The following OSBPL5 variants were observed in gnomAD, a reference collection of about 807,000 sequenced individuals.
OSBPL5 encodes oxysterol-binding protein-related protein 5.
Under a neutral mutation model 111.2 loss-of-function variants are expected in OSBPL5, and 71 were observed. The ratio of observed to expected loss-of-function variants is 0.64; its 90% CI spans 0.53 to 0.78. The LOEUF is 0.78. OSBPL5 is among the 30% of genes least tolerant of loss of function. The probability of loss-of-function intolerance (pLI) is 0.00; values close to 1 mark genes in which losing one functional copy is unlikely to be tolerated. For synonymous variants in OSBPL5, 549 were observed against 513.9 expected, an observed-to-expected ratio of 1.07 and a Z score of -0.93; for missense variants, 1,210 against 1,189.3, an observed-to-expected ratio of 1.02 and a Z score of -0.26.
At chr11:3,119,302 C>T (rs1411945166) in intron 7 of OSBPL5, among the ~76,000 whole-genome samples, 3 of 152,232 alleles carry the variant, frequency 2.0e-5, no homozygotes, top group African/African-American at 4.8e-5. Context: ...TGAGCCACCA[C>T]GCCTGGCCTT....
Position 3,107,336 on chromosome 11 carries a change from T to C in OSBPL5, c.986A>G (p.Gln329Arg), listed in dbSNP as rs1309131185. The C allele has an allele frequency of 6.2e-7, 1 of 1,613,970 alleles. No individual in the cohort carries two copies. The highest frequency in any genetic ancestry group is 1.3e-5 in the African/African-American group (1 of 75,016). The change falls in exon 9 of 22, where the codon CAG (glutamine) becomes CGG (arginine). Residue 329 changes from glutamine to arginine, a missense_variant. Physicochemically the swap from Gln to Arg is conservative, Grantham distance 43 (BLOSUM62 1). Coordinates refer to ENST00000263650, the MANE Select transcript of OSBPL5 (RefSeq NM_020896.4). This position sits in a 1 kb window ranked among gnomAD's most constrained non-coding sequence, Gnocchi z 6.1. ...HSRKTESGSDQSETPGAPVRR... is the reference protein window; with the variant it reads ...HSRKTESGSDRSETPGAPVRR... ...CACCGGGGCCCCAGGGGTCTCTGAC[T>C]GGTCGCTGCCACTCTCCGTCTTCCG...
intron 3 of OSBPL5, among the ~76,000 whole-genome samples, chr11:3,124,562 G>A (rs115315798): frequency 0.01 from 1,573 of 152,256 alleles, 25 homozygotes; most frequent in African/African-American, 0.036. Context: ...GGTAGCCCCT[G>A]CTCCTTTCTT....
chr11:3,096,492 G>A (rs907354984), intron 14 of OSBPL5, among the ~76,000 whole-genome samples: 18 of 151,966 alleles, frequency 1.2e-4, no homozygotes, highest in African/African-American at 2.9e-4. Context: ...GGTGGCGCAC[G>A]CATGTAATGC....
In OSBPL5 at chr11:3,106,386, C is replaced by A. The variant is rs375103093; in HGVS notation, c.1059+877G>T. ...CAAGATCCCAGATCACAGAGCCCCC[C>A]GTTCCTGACAGCCCCCACCCCAGAG... is the stretch of plus-strand genomic sequence containing the variant. On this transcript the variant is annotated intron_variant, in intron 9 of 21. Transcript: ENST00000263650. This position sits in a 1 kb window ranked among gnomAD's most constrained non-coding sequence, Gnocchi z 8.4. Among the ~76,000 whole-genome samples, 8 of 152,118 alleles carry A rather than the reference C, an allele frequency of 5.3e-5. No homozygotes were observed. The highest frequency in any genetic ancestry group is 1.7e-4 in the African/African-American group (7 of 41,420).
rs1393668369 is a variant in OSBPL5, at chr11:3,120,624, T to C, written c.403A>G (p.Ile135Val). 6.2e-7 allele frequency: 1 copy of C among 1,612,232 alleles called. No individual in the cohort carries two copies. Among genetic ancestry groups the C allele is most frequent in the Non-Finnish European group, 8.5e-7 (1 of 1,179,862 alleles). ...GTCCAGCTCTTCAGGGTGCCGCGGA[T>C]CTGCAGGGAGGATGCTGGCGTCGAT... ...SVVIMADSLKIRGTLKSWTKL... is the reference protein window; with the variant it reads ...SVVIMADSLKVRGTLKSWTKL... Residue 135 changes from isoleucine (I) to valine (V), a missense_variant and splice_region_variant, in exon 6 of 22, where the codon ATC (isoleucine) becomes GTC (valine). Coordinates refer to ENST00000263650, the MANE Select transcript of OSBPL5 (RefSeq NM_020896.4).
chr11:3,157,891 G>A (rs954360709), intron 1 of OSBPL5, among the ~76,000 whole-genome samples: 4 of 152,334 alleles, frequency 2.6e-5, no homozygotes, highest in East Asian at 1.9e-4. Context: ...TGACATCCTC[G>A]ACCACGGCAG....
At chr11:3,122,487 C>G in intron 3 of OSBPL5, 59 bp from the exon 4 acceptor site, 1 of 1,524,582 alleles carries the variant, frequency 6.6e-7, no homozygotes, top group Non-Finnish European at 9.0e-7. Flanking sequence ...GGGCTAGGAG[C>G]CCAGGTTGGC....
chr11:3,131,278 C>A (rs1858813904), intron 1 of OSBPL5, among the ~76,000 whole-genome samples: 1 of 151,896 alleles, frequency 6.6e-6, no homozygotes, highest in African/African-American at 2.4e-5. Flanking sequence ...ACACCAGTCT[C>A]ATCTATACAC....
chr11:3,115,775 T>C (rs565312868), intron 7 of OSBPL5, among the ~76,000 whole-genome samples: 5 of 152,342 alleles, frequency 3.3e-5, no homozygotes, highest in South Asian at 2.1e-4. Flanking sequence ...ATTTTATAGA[T>C]TGGAATTTTG....
chr11:3,096,186 G>A (rs542955640), intron 14 of OSBPL5, among the ~76,000 whole-genome samples: 6 of 152,332 alleles, frequency 3.9e-5, no homozygotes, highest in East Asian at 3.9e-4. Context: ...CCAGCCAAAC[G>A]GCCAACTGTC....
chr11:3,106,647 CCTT>C lies in OSBPL5; in HGVS notation c.1059+613_1059+615del, dbSNP rs1418908215. 4.6e-5 allele frequency among the ~76,000 whole-genome samples: 7 copies of C among 152,190 alleles called. No individual in the cohort carries two copies. Among genetic ancestry groups the C allele is most frequent in the African/African-American group, 7.2e-5 (3 of 41,446 alleles). On this transcript the variant is annotated intron_variant, in intron 9 of 21. Coordinates refer to ENST00000263650, the MANE Select transcript of OSBPL5 (RefSeq NM_020896.4). This position sits in a 1 kb window ranked among gnomAD's most constrained non-coding sequence, Gnocchi z 8.4. Reference sequence around the variant, plus strand: ...TCCCTTGAGCTCGTGCGCTGGTGGTCCTTCTTCTTGGAACGCCATCCTCCCTCC... The same window carrying C: ...TCCCTTGAGCTCGTGCGCTGGTGGTCCTTCTTGGAACGCCATCCTCCCTCC...
At chr11:3,159,460 C>T (rs150288121) in intron 1 of OSBPL5, among the ~76,000 whole-genome samples, 5 of 152,296 alleles carry the variant, frequency 3.3e-5, no homozygotes, top group African/African-American at 7.2e-5. Flanking sequence ...TAACTGGATC[C>T]GCTGCACTCA....
At chr11:3,160,246 G>A (rs1846914547) in intron 1 of OSBPL5, among the ~76,000 whole-genome samples, 1 of 152,168 alleles carries the variant, frequency 6.6e-6, no homozygotes, top group African/African-American at 2.4e-5. Flanking sequence ...TGGCCAATGT[G>A]GGGAGCCTCC....
At chr11:3,124,721 G>C (rs1270040977) in intron 3 of OSBPL5, among the ~76,000 whole-genome samples, 2 of 152,146 alleles carry the variant, frequency 1.3e-5, no homozygotes, top group African/African-American at 2.4e-5. Context: ...ATGATTGTCT[G>C]TGGCTTCCAC....
intron 1 of OSBPL5, chr11:3,129,465 C>G (rs544544857): frequency 4.7e-6 from 1 of 210,996 alleles, no homozygotes; most frequent in South Asian, 1.8e-4. Context: ...GAACCCCCAC[C>G]CCAGGTTCTG....
At chr11:3,103,737 CCTCTGCAACCCTCTTCCAG>C (rs749366840) in intron 10 of OSBPL5, among the ~76,000 whole-genome samples, 12,203 of 76,120 alleles carry the variant, frequency 0.16, 953 homozygotes, top group Middle Eastern at 0.18. Context: ...CCCCTTCCTG[CCTCTGCAACCCTCTTCCAG>C]CTCTGCAGCC....
intron 7 of OSBPL5, among the ~76,000 whole-genome samples, chr11:3,116,020 C>A (rs1858195802): frequency 6.6e-6 from 1 of 151,908 alleles, no homozygotes; most frequent in Non-Finnish European, 1.5e-5. Flanking sequence ...TAAATTATGT[C>A]TTTTTCTAAC....
rs1444644521 is a variant in OSBPL5 at position 3,161,462 on chromosome 11, G to A, written c.-22+3754C>T. The A allele has an allele frequency of 6.6e-6, 1 of 152,238 alleles. No homozygotes were observed. The highest frequency in any genetic ancestry group is 1.5e-5 in the Non-Finnish European group (1 of 68,058). The allele number at this position is 152,238 out of a possible 1,614,324, so 9.4% of individuals were successfully genotyped here. A position where few individuals can be genotyped will look rare whatever the true frequency, so the allele number is the denominator to read the frequency against. On this transcript the variant is annotated intron_variant, in intron 1 of 21. Coordinates refer to ENST00000263650, the MANE Select transcript of OSBPL5 (RefSeq NM_020896.4). The surrounding 1 kb of genome is among the most constrained non-coding windows in gnomAD (Gnocchi z 8.0). ...ACATGGTGGGTGGGACTTGCTAGAT[G>A]GGGGCAGCCAGTCTCAATCTACTGA...
chr11:3,135,749 C>A (rs7938887), intron 1 of OSBPL5, among the ~76,000 whole-genome samples: 1,916 of 152,310 alleles, frequency 0.013, 50 homozygotes, highest in African/African-American at 0.044. Context: ...CGGCAGGGTC[C>A]CACCCACACC....
Sources: allele counts gnomAD v4.1 joint callset (sites outside exome capture counted in the v4.1 genomes callset), GRCh38; gene constraint gnomAD v4.1.1; non-coding constraint Gnocchi (gnomAD v3.1); transcripts MANE v1.5; gene names NCBI Gene and HGNC (gene_info 2026-07-23, HGNC 2026-07-21).